The following PRKCB variants were observed in gnomAD, a reference collection of about 807,000 sequenced individuals.
PRKCB encodes protein kinase C beta type.
PRKCB carries 13 observed loss-of-function variants against 81.5 expected under a neutral mutation model. The observed-to-expected ratio is 0.16, with a 90% CI of 0.10 to 0.25. The LOEUF is 0.25. Ranked by LOEUF, PRKCB falls within the 10% of genes least tolerant of loss-of-function variation. PRKCB has a pLI of 1.00. For missense variants in PRKCB, 509 were observed against 875.7 expected, an observed-to-expected ratio of 0.58 and a Z score of 5.29; for synonymous variants, 335 against 321.4, an observed-to-expected ratio of 1.04 and a Z score of -0.45.
chr16:24,123,652 A>G (rs1466990197), intron 8 of PRKCB, among the ~76,000 whole-genome samples, 183 bp from the exon 9 acceptor site: 1 of 152,148 alleles, frequency 6.6e-6, no homozygotes, highest in African/African-American at 2.4e-5. Flanking sequence ...GGGATAAAAG[A>G]AAGATGGAGT....
At chr16:24,035,369 C>T (rs756771679) in intron 4 of PRKCB, 50 bp from the exon 5 acceptor site, 5 of 1,590,642 alleles carry the variant, frequency 3.1e-6, no homozygotes, top group East Asian at 2.3e-5. Flanking sequence ...ATGTCTGCAG[C>T]CCCCAGCCTG....
chr16:24,151,165 A>T (rs575013196), intron 9 of PRKCB, among the ~76,000 whole-genome samples: 1 of 152,300 alleles, frequency 6.6e-6, no homozygotes, highest in Admixed American at 6.5e-5. Context: ...TTACTTGAAC[A>T]AGCAAATCTC....
At chr16:24,094,376 C>A (rs893295358) in intron 7 of PRKCB, 79 bp downstream of exon 7, 5 of 1,533,826 alleles carry the variant, frequency 3.3e-6, no homozygotes. Flanking sequence ...TCCTTTTTCT[C>A]CAAAAATTGA....
At chr16:23,913,335 A>G (rs1054142841) in intron 2 of PRKCB, among the ~76,000 whole-genome samples, 2 of 151,008 alleles carry the variant, frequency 1.3e-5, no homozygotes, top group Non-Finnish European at 3.0e-5. Flanking sequence ...GGCCCAAATC[A>G]TGTCAAAAAA....
Position 24,020,108 on chromosome 16 carries a change from AC to A in PRKCB, c.289-12026del, listed in dbSNP as rs568675355. On this transcript the variant is annotated intron_variant, in intron 3 of 16. Transcript: ENST00000643927. Reference sequence around the variant, plus strand: ...CAGGATGACACCAATTGGCCCACCCACCAGGAATATGTGTCTCTGTTTCTCC... The same window carrying A: ...CAGGATGACACCAATTGGCCCACCCACAGGAATATGTGTCTCTGTTTCTCC... Among the ~76,000 whole-genome samples, 11 of 152,346 alleles carry A rather than the reference AC, an allele frequency of 7.2e-5. No homozygotes were observed. The South Asian group carries it at 2.3e-3, about 32-fold the overall frequency.
chr16:23,947,184 C>A (rs942717469), intron 2 of PRKCB, among the ~76,000 whole-genome samples: 12 of 152,170 alleles, frequency 7.9e-5, no homozygotes, highest in Non-Finnish European at 1.8e-4. Context: ...TAGCAAGGGG[C>A]TAAGGGATCC....
chr16:24,111,900 C>A (rs960177301), intron 7 of PRKCB, among the ~76,000 whole-genome samples: 1 of 152,116 alleles, frequency 6.6e-6, no homozygotes. Context: ...ATTTTACATG[C>A]GTCATTACAT....
intron 2 of PRKCB, among the ~76,000 whole-genome samples, chr16:23,861,951 T>C (rs1455572298): frequency 6.6e-6 from 1 of 152,234 alleles, no homozygotes; most frequent in Admixed American, 6.5e-5. Context: ...TTCTGTTCTT[T>C]CCAGTAGAAT....
At chr16:23,892,700 A>G (rs1963313897) in intron 2 of PRKCB, among the ~76,000 whole-genome samples, 1 of 152,204 alleles carries the variant, frequency 6.6e-6, no homozygotes, top group South Asian at 2.1e-4. Flanking sequence ...CACTGAACGA[A>G]AGAGAAAAAT....
At chr16:24,034,991 G>C (rs1415107785) in intron 4 of PRKCB, among the ~76,000 whole-genome samples, 1 of 152,152 alleles carries the variant, frequency 6.6e-6, no homozygotes, top group Non-Finnish European at 1.5e-5. Flanking sequence ...CGTACACATC[G>C]AGATTCCTGC....
At chr16:24,025,534 A>T (rs1461222933) in intron 3 of PRKCB, among the ~76,000 whole-genome samples, 1 of 152,212 alleles carries the variant, frequency 6.6e-6, no homozygotes, top group African/African-American at 2.4e-5. Flanking sequence ...GAGTATAATG[A>T]TGAGCAAAAT....
chr16:23,977,762 G>A (rs1259205698), intron 2 of PRKCB, among the ~76,000 whole-genome samples: 1 of 152,142 alleles, frequency 6.6e-6, no homozygotes, highest in Non-Finnish European at 1.5e-5. Context: ...CTGAAAGCTG[G>A]CCAGACAGGG....
At chr16:23,991,282 C>T (rs181435073) in intron 3 of PRKCB, among the ~76,000 whole-genome samples, 2 of 152,312 alleles carry the variant, frequency 1.3e-5, no homozygotes, top group East Asian at 3.9e-4. Flanking sequence ...AGGTTAAGAA[C>T]TCCAAGAAAC....
chr16:24,006,779 C>T (rs539617251), intron 3 of PRKCB, among the ~76,000 whole-genome samples: 8 of 149,934 alleles, frequency 5.3e-5, no homozygotes, highest in East Asian at 3.9e-4. Context: ...AAAGACTAAA[C>T]GCTGTGGGGG....
chr16:23,973,294 GCATCAGCCTC>G (rs1964582472), intron 2 of PRKCB, among the ~76,000 whole-genome samples: 1 of 151,924 alleles, frequency 6.6e-6, no homozygotes, highest in South Asian at 2.1e-4. Flanking sequence ...CAATTCTCCT[GCATCAGCCTC>G]CCAAGTAGCT....
intron 5 of PRKCB, among the ~76,000 whole-genome samples, chr16:24,072,598 T>TTTTTTTTTTTA (rs60827227): frequency 6.6e-6 from 1 of 151,592 alleles, no homozygotes; most frequent in African/African-American, 2.4e-5. Context: ...CTTTTTTTTT[T>TTTTTTTTTTTA]GAGATGGAGT....
At position 24,185,161 on chromosome 16, in the gene PRKCB, A is replaced by G. The variant is rs780923538; in HGVS notation, c.1584A>G (p.Gly528=). The G allele has an allele frequency of 2.5e-6, 4 of 1,614,148 alleles. No individual in the cohort carries two copies. Among genetic ancestry groups the G allele is most frequent in the Non-Finnish European group, 3.4e-6 (4 of 1,179,996 alleles). ...AGTCCGTGGATTGGTGGGCATTTGG[A>G]GTCCTGCTGTATGAAATGTTGGCTG... ...YGKSVDWWAF[G]VLLYEMLAGQ... The change falls in exon 14 of 17, where the codon GGA becomes GGG. Residue 528 remains glycine, a synonymous_variant. Transcript: ENST00000643927.
intron 8 of PRKCB, among the ~76,000 whole-genome samples, chr16:24,122,179 A>AGTTCTGGG (rs1431170989): frequency 1.3e-5 from 2 of 152,138 alleles, no homozygotes; most frequent in Admixed American, 1.3e-4. Flanking sequence ...GAGGTGAGAG[A>AGTTCTGGG]GTTCTGGGGA....
At chr16:23,925,904 T>A (rs1963890096) in intron 2 of PRKCB, among the ~76,000 whole-genome samples, 1 of 151,970 alleles carries the variant, frequency 6.6e-6, no homozygotes, top group South Asian at 2.1e-4. Context: ...ACTAAGAATA[T>A]GCATTATTTG....
Sources: gnomAD v4.1 joint callset for allele counts (sites outside exome capture counted in the v4.1 genomes callset) on GRCh38, gnomAD v4.1.1 for gene constraint, MANE v1.5 for transcripts, NCBI Gene and HGNC (gene_info 2026-07-23, HGNC 2026-07-21) for gene names.